The following ANTXR1 variants were observed in gnomAD, a reference collection of about 807,000 sequenced individuals.
The protein encoded by ANTXR1 is anthrax toxin receptor 1.
ANTXR1 carries 19 observed loss-of-function variants against 78.1 expected under a neutral mutation model. The observed-to-expected ratio is 0.24, with a 90% confidence interval of 0.17 to 0.36. ANTXR1 has a LOEUF of 0.36. ANTXR1 is among the 10% of genes least tolerant of loss of function. The pLI is 1.00. For synonymous variants in ANTXR1, 273 were observed against 260.5 expected (o/e 1.05, Z -0.46); for missense variants, 518 against 718.6 (o/e 0.72, Z 3.19).
rs140255167 is a variant in ANTXR1 at position 69,061,027 on chromosome 2, G to A, written c.297-9620G>A. Among the ~76,000 whole-genome samples, 1,174 of 152,248 alleles carry A rather than the reference G, an allele frequency of 7.7e-3. 41 individuals are homozygous for A. Among genetic ancestry groups the A allele is most frequent in the Admixed American group, 0.071 (1,092 of 15,284 alleles). On this transcript the variant is annotated intron_variant, in intron 3 of 17. Coordinates refer to ENST00000303714, the MANE Select transcript of ANTXR1 (RefSeq NM_032208.3). ...GAGTGGCAAATGATATGGCACTGTG[G>A]AGAAAAGTCAAATATAATCCTGTGG...
chr2:69,042,190 G>A (rs944851370), intron 2 of ANTXR1, among the ~76,000 whole-genome samples: 1 of 152,064 alleles, frequency 6.6e-6, no homozygotes, highest in South Asian at 2.1e-4. Flanking sequence ...GACATTTTGA[G>A]TCCTTTTATT....
intron 14 of ANTXR1, among the ~76,000 whole-genome samples, chr2:69,178,918 A>G (rs570103287): frequency 1.1e-4 from 17 of 152,292 alleles, no homozygotes; most frequent in African/African-American, 4.1e-4. Context: ...CCTGTGGAAT[A>G]AAGCGGCTTT....
intron 10 of ANTXR1, among the ~76,000 whole-genome samples, chr2:69,104,675 TC>T (rs1325050477): frequency 2.6e-5 from 4 of 152,146 alleles, no homozygotes; most frequent in Admixed American, 2.6e-4. Context: ...AAAGAAGACT[TC>T]CCAAACAAGC....
At chr2:69,157,023 A>G (rs532134731) in intron 13 of ANTXR1, among the ~76,000 whole-genome samples, 17 of 151,610 alleles carry the variant, frequency 1.1e-4, no homozygotes, top group African/African-American at 3.6e-4. Context: ...ACTGTCCACA[A>G]TTCCTCTCCT....
intron 1 of ANTXR1, among the ~76,000 whole-genome samples, chr2:69,014,120 G>A (rs1670952706): frequency 6.6e-6 from 1 of 152,054 alleles, no homozygotes; most frequent in Admixed American, 6.5e-5. Context: ...GCTGTCCCAC[G>A]GAAGGCATTA....
At chr2:69,122,594 GTTTT>G (rs908868364) in intron 10 of ANTXR1, among the ~76,000 whole-genome samples, 6 of 151,462 alleles carry the variant, frequency 4.0e-5, no homozygotes, top group South Asian at 4.2e-4. Flanking sequence ...TTTTGTTTTT[GTTTT>G]TTTATTATTA....
Position 69,152,255 on chromosome 2 carries a change from C to G in ANTXR1, c.1038C>G (p.Cys346Trp). The G allele has an allele frequency of 6.2e-7, 1 of 1,614,188 alleles. No homozygotes were observed. The highest frequency in any genetic ancestry group is 8.5e-7 in the Non-Finnish European group (1 of 1,180,018). Residue 346 changes from cysteine (C) to tryptophan (W), a missense_variant, in exon 13 of 18, where the codon TGC (cysteine) becomes TGG (tryptophan). By Grantham distance (215) the Cys-to-Trp change is radical (BLOSUM62 -2). This residue lies in a region of ANTXR1 where 264 missense variants were observed against 391.8 expected (regional missense o/e 0.67). Transcript: ENST00000303714. ...TCCTCTGGTGGTTCTGGCCCCTCTG[C>G]TGCACTGTGGTAAGTGCCCCAAACC... ...LALLWWFWPL[C>W]CTVIIKEVPP...
intron 1 of ANTXR1, among the ~76,000 whole-genome samples, chr2:69,033,434 G>T (rs1361071389): frequency 6.6e-6 from 1 of 152,160 alleles, no homozygotes; most frequent in Admixed American, 6.5e-5. Context: ...TACTTCCAAG[G>T]GTCTAATATG....
intron 8 of ANTXR1, among the ~76,000 whole-genome samples, chr2:69,088,985 G>C (rs574164014): frequency 1.2e-4 from 19 of 152,264 alleles, no homozygotes; most frequent in African/African-American, 4.3e-4. Flanking sequence ...ATAGACTTAG[G>C]GACCAGGGAG....
chr2:69,179,142 T>C (rs1395422195), intron 14 of ANTXR1, among the ~76,000 whole-genome samples: 10 of 152,220 alleles, frequency 6.6e-5, no homozygotes, highest in African/African-American at 2.4e-4. Context: ...AGATTCCTGC[T>C]TTCACATCAT....
chr2:69,080,933 A>G (rs1406390036), intron 8 of ANTXR1, among the ~76,000 whole-genome samples: 1 of 152,214 alleles, frequency 6.6e-6, no homozygotes, highest in Non-Finnish European at 1.5e-5. Flanking sequence ...AGCTAAATCC[A>G]AGGACAATAG....
chr2:69,086,234 G>A (rs1026216515), intron 8 of ANTXR1, among the ~76,000 whole-genome samples: 23 of 152,230 alleles, frequency 1.5e-4, no homozygotes, highest in African/African-American at 5.3e-4. Flanking sequence ...TTATAACTCT[G>A]TGCAGATATT....
chr2:69,022,104 T>C (rs934966330), intron 1 of ANTXR1, among the ~76,000 whole-genome samples: 7 of 152,188 alleles, frequency 4.6e-5, no homozygotes, highest in African/African-American at 1.4e-4. Flanking sequence ...TCTTTTTCCA[T>C]AGTTTATGGA....
intron 1 of ANTXR1, among the ~76,000 whole-genome samples, chr2:69,023,508 G>T (rs1671257714): frequency 9.3e-6 from 1 of 107,190 alleles, no homozygotes; most frequent in Non-Finnish European, 1.7e-5. Flanking sequence ...TGGTGGTGGT[G>T]GAGGTGGAGA....
intron 8 of ANTXR1, 135 bp downstream of exon 8, chr2:69,077,623 G>A (rs974944849): frequency 2.1e-6 from 2 of 936,558 alleles, no homozygotes; most frequent in African/African-American, 3.2e-5. Flanking sequence ...CTATATCTTT[G>A]TGTCTGCCAC....
chr2:69,102,811 T>A (rs779052941), intron 9 of ANTXR1, 31 bp from the exon 10 acceptor site: 43 of 1,598,920 alleles, frequency 2.7e-5, no homozygotes, highest in Middle Eastern at 1.8e-4. Flanking sequence ...ATTGGCCAAG[T>A]AACGAGTCTC....
intron 17 of ANTXR1, among the ~76,000 whole-genome samples, chr2:69,214,459 C>A (rs1285408338): frequency 6.6e-6 from 1 of 152,166 alleles, no homozygotes; most frequent in African/African-American, 2.4e-5. Context: ...AGCAGGTCCA[C>A]CCTCAAAAAC....
At chr2:69,064,333 C>G (rs1670331693) in intron 3 of ANTXR1, among the ~76,000 whole-genome samples, 1 of 150,734 alleles carries the variant, frequency 6.6e-6, no homozygotes, top group African/African-American at 2.5e-5. Context: ...AGATCTCTCT[C>G]TCAATATGGT....
At chr2:69,076,451 A>C (rs983076392) in intron 7 of ANTXR1, among the ~76,000 whole-genome samples, 1 of 152,244 alleles carries the variant, frequency 6.6e-6, no homozygotes, top group African/African-American at 2.4e-5. Context: ...TAGCAATCTA[A>C]ATACATGTAC....
Sources: gnomAD v4.1 joint callset for allele counts (sites outside exome capture counted in the v4.1 genomes callset) on GRCh38, gnomAD v4.1.1 for gene constraint, gnomAD v4.1.1 regional missense constraint, MANE v1.5 for transcripts, NCBI Gene and HGNC (gene_info 2026-07-23, HGNC 2026-07-21) for gene names.